ZMYM2: variants seen among roughly 807,000 people sequenced by gnomAD.
The protein encoded by ZMYM2 is zinc finger MYM-type containing 2.
In ZMYM2, 56 loss-of-function variants were observed where a neutral mutation model predicts 162.8. The ratio of observed to expected loss-of-function variants is 0.34; its 90% CI spans 0.28 to 0.43. The LOEUF (loss-of-function observed/expected upper bound fraction) is 0.43. ZMYM2 is among the 20% of genes least tolerant of loss of function. The pLI, the probability that ZMYM2 is intolerant of heterozygous loss-of-function variation, is 1.00. For synonymous variants in ZMYM2, 510 were observed against 541.6 expected (o/e 0.94, Z 0.81); for missense variants, 1,275 against 1,621.8 (o/e 0.79, Z 3.67).
chr13:19,968,031 G>A (rs1051137739), intron 2 of ZMYM2, among the ~76,000 whole-genome samples: 3 of 151,966 alleles, frequency 2.0e-5, no homozygotes, highest in East Asian at 1.9e-4. Context: ...TTTTTCTAAC[G>A]ATTTCTTCTT....
chr13:19,959,173 C>G (rs867114579), intron 1 of ZMYM2, among the ~76,000 whole-genome samples: 15 of 131,454 alleles, frequency 1.1e-4, no homozygotes, highest in African/African-American at 3.6e-4. Context: ...GCGGGGCCGG[C>G]GGGGCGGCGG....
At chr13:19,947,589 G>A in the ZMYM2 span, among the ~76,000 whole-genome samples, 1 of 151,918 alleles carries the variant, frequency 6.6e-6, no homozygotes, top group Non-Finnish European at 1.5e-5. Context: ...CTCGCGGGTA[G>A]CTGGGATTAC....
intron 12 of ZMYM2, among the ~76,000 whole-genome samples, chr13:20,042,724 AT>A (rs563153133): frequency 1.3e-5 from 2 of 149,968 alleles, no homozygotes; most frequent in Admixed American, 1.3e-4. Flanking sequence ...TATTATTATT[AT>A]TTTTTTTTAT....
At chr13:19,994,086 C>T (rs1023044515) in intron 3 of ZMYM2, among the ~76,000 whole-genome samples, 167 bp downstream of exon 3, 13 of 152,070 alleles carry the variant, frequency 8.5e-5, no homozygotes, top group African/African-American at 2.2e-4. Flanking sequence ...ATTGTAAAAC[C>T]ATGTATAGTA....
intron 2 of ZMYM2, among the ~76,000 whole-genome samples, chr13:19,985,856 A>G (rs1949089518): frequency 6.6e-6 from 1 of 151,744 alleles, no homozygotes; most frequent in African/African-American, 2.4e-5. Flanking sequence ...AGCCTGGGCA[A>G]CAGAGTGAGA....
At chr13:20,051,253 G>GCATCTTTTTTT (rs369364385) in intron 12 of ZMYM2, among the ~76,000 whole-genome samples, 180 bp from the exon 13 acceptor site, 24 of 74,190 alleles carry the variant, frequency 3.2e-4, no homozygotes, top group Non-Finnish European at 4.7e-4. Context: ...CTGTGAAATT[G>GCATCTTTTTTT]TATTTTTTTT....
intron 24 of ZMYM2, among the ~76,000 whole-genome samples, chr13:20,085,297 C>T (rs1269056665): frequency 6.6e-6 from 1 of 152,038 alleles, no homozygotes; most frequent in Non-Finnish European, 1.5e-5. Context: ...TTAGGGTGGT[C>T]CTATTTGGCT....
intron 7 of ZMYM2, among the ~76,000 whole-genome samples, chr13:20,023,937 CTTCTTTTTTTTTTTTT>C (rs1357835571): frequency 6.8e-6 from 1 of 147,958 alleles, no homozygotes. Flanking sequence ...TCTTTTTCTT[CTTCTTTTTTTTTTTTT>C]GGAGGCAGTC....
chr13:19,975,167 T>G (rs1002655000), intron 2 of ZMYM2, among the ~76,000 whole-genome samples: 3 of 73,028 alleles, frequency 4.1e-5, no homozygotes, highest in East Asian at 3.4e-4. Flanking sequence ...ATATGGTGTC[T>G]TCTTTTCTTA....
At chr13:20,079,135 A>T (rs1375546160) in intron 21 of ZMYM2, among the ~76,000 whole-genome samples, 1 of 151,736 alleles carries the variant, frequency 6.6e-6, no homozygotes, top group Admixed American at 6.6e-5. Flanking sequence ...CCTGGCCAAC[A>T]TAGTGAAACC....
intron 7 of ZMYM2, among the ~76,000 whole-genome samples, chr13:20,022,995 G>A (rs985655051): frequency 3.3e-5 from 5 of 152,040 alleles, no homozygotes; most frequent in African/African-American, 9.7e-5. Context: ...TTATTTTAAT[G>A]TATTTAGGAA....
intron 21 of ZMYM2, chr13:20,068,070 T>C (rs1956811688): frequency 5.7e-6 from 1 of 176,416 alleles, no homozygotes; most frequent in Admixed American, 6.3e-5. Context: ...GTGTTTTTTT[T>C]ACTTTTTCTT....
At chr13:20,059,330 TAAAA>T in intron 15 of ZMYM2, 113 bp from the exon 16 acceptor site, 1 of 758,598 alleles carries the variant, frequency 1.3e-6, no homozygotes, top group Non-Finnish European at 1.9e-6. Context: ...AACTGGGAAT[TAAAA>T]AAAAAAAGGT....
At chr13:19,957,869 T>C (rs1954656780), upstream of ZMYM2, among the ~76,000 whole-genome samples, 1 of 152,076 alleles carries the variant, frequency 6.6e-6, no homozygotes, top group Admixed American at 6.5e-5. Flanking sequence ...CGTCTGGGTC[T>C]CTCCACCGTC....
chr13:20,000,908 A>G (rs950291553), intron 3 of ZMYM2, among the ~76,000 whole-genome samples: 1 of 152,252 alleles, frequency 6.6e-6, no homozygotes, highest in African/African-American at 2.4e-5. Flanking sequence ...CCTTCTGGAA[A>G]GGATTCGCCA....
intron 7 of ZMYM2, among the ~76,000 whole-genome samples, chr13:20,024,091 C>T (rs915344012): frequency 2.0e-5 from 3 of 151,888 alleles, no homozygotes; most frequent in East Asian, 1.9e-4. Context: ...TGCACCACCA[C>T]GCCTGGCTAA....
At chr13:20,002,142 T>G (rs1950439000) in intron 3 of ZMYM2, among the ~76,000 whole-genome samples, 1 of 152,238 alleles carries the variant, frequency 6.6e-6, no homozygotes, top group African/African-American at 2.4e-5. Context: ...GGAAAAGCTG[T>G]TCTTAAAATA....
At chr13:20,052,339 A>G (rs1040968296) in intron 14 of ZMYM2, 28 bp downstream of exon 14, 7 of 1,558,758 alleles carry the variant, frequency 4.5e-6, no homozygotes, top group Admixed American at 3.8e-5. Context: ...GGAGTGCTGA[A>G]TTGTGATTTT....
intron 14 of ZMYM2, among the ~76,000 whole-genome samples, chr13:20,056,325 G>A (rs1386727450): frequency 6.6e-6 from 1 of 152,204 alleles, no homozygotes; most frequent in Non-Finnish European, 1.5e-5. Context: ...TATCTTCAGG[G>A]TGAAAACTTA....
Sources: allele counts gnomAD v4.1 joint callset (sites outside exome capture counted in the v4.1 genomes callset), GRCh38; gene constraint gnomAD v4.1.1; transcripts MANE v1.5; gene names NCBI Gene and HGNC (gene_info 2026-07-23, HGNC 2026-07-21).